MYO1H: variants seen among roughly 807,000 people sequenced by gnomAD.
MYO1H encodes unconventional myosin-Ih.
MYO1H carries 118 observed loss-of-function variants against 149.3 expected under a neutral mutation model. The ratio of observed to expected loss-of-function variants is 0.79; its 90% confidence interval spans 0.68 to 0.92. The LOEUF is 0.92. Among genes scored for constraint, MYO1H ranks in the 40% least tolerant of loss-of-function variants. The pLI is 0.00. For missense variants in MYO1H, 1,212 were observed against 1,280.7 expected, an observed-to-expected ratio of 0.95 and a Z score of 0.82; for synonymous variants, 447 against 465.2, an observed-to-expected ratio of 0.96 and a Z score of 0.50.
intron 23 of MYO1H, 68 bp from the exon 24 acceptor site, chr12:109,439,563 G>A (rs1207808262): frequency 6.7e-7 from 1 of 1,497,378 alleles, no homozygotes; most frequent in Non-Finnish European, 9.0e-7. Context: ...AATCAAAGAA[G>A]GGGGAAGAGA....
chr12:109,352,610 A>G (rs1429803993), intron 1 of MYO1H, among the ~76,000 whole-genome samples: 1 of 152,246 alleles, frequency 6.6e-6, no homozygotes, highest in African/African-American at 2.4e-5. Context: ...GACATGTATG[A>G]TGAAGTGTGT....
At chr12:109,359,140 G>A (rs1868681629) in intron 1 of MYO1H, 1 of 152,134 alleles carries the variant, frequency 6.6e-6, no homozygotes, top group Non-Finnish European at 1.5e-5. Flanking sequence ...CCTAACCGTG[G>A]TTCGGATTTC....
intron 21 of MYO1H, among the ~76,000 whole-genome samples, chr12:109,435,880 T>C (rs1425513374): frequency 1.3e-5 from 2 of 152,210 alleles, no homozygotes; most frequent in Non-Finnish European, 2.9e-5. Flanking sequence ...CACCAATGGC[T>C]GGGGATCTGG....
chr12:109,444,510 G>A, exon 30 of MYO1H: 1 of 1,613,812 alleles, frequency 6.2e-7, no homozygotes, highest in South Asian at 1.1e-5. Flanking sequence ...GGAGAACATT[G>A]TCAATGTTGT....
the MYO1H span, among the ~76,000 whole-genome samples, chr12:109,330,051 T>A: frequency 3.3e-5 from 5 of 152,110 alleles, no homozygotes; most frequent in Non-Finnish European, 7.4e-5. Context: ...AAACAAACAT[T>A]TGTGGCAAAA....
rs563259422 is a variant in MYO1H, at chr12:109,349,934, C to T, written c.12+1962C>T. On this transcript the variant is annotated intron_variant, in intron 1 of 31. Coordinates refer to ENST00000310903, the Ensembl canonical transcript of MYO1H. Reference sequence around the variant, plus strand: ...GGAGATCACGCCACTGCACTCCAGCCTGGGCGACAGAGCAAGACTCTGTCT... The same window carrying T: ...GGAGATCACGCCACTGCACTCCAGCTTGGGCGACAGAGCAAGACTCTGTCT... Among the ~76,000 whole-genome samples the T allele has an allele frequency of 7.6e-5, 11 of 144,724 alleles. No individual in the cohort carries two copies. In the South Asian group the frequency reaches 2.0e-3, roughly 26 times the overall value. 94.9% of individuals were successfully genotyped at this position (144,724 alleles called of 152,430 possible). A position where few individuals can be genotyped will look rare whatever the true frequency, so the allele number is the denominator to read the frequency against.
intron 20 of MYO1H, among the ~76,000 whole-genome samples, chr12:109,434,096 G>A (rs2038409535): frequency 6.6e-6 from 1 of 151,932 alleles, no homozygotes; most frequent in Non-Finnish European, 1.5e-5. Flanking sequence ...TGTAACCTCC[G>A]CTTCCTGGGT....
At chr12:109,419,126 C>G (rs921200470) in intron 15 of MYO1H, among the ~76,000 whole-genome samples, 2 of 152,128 alleles carry the variant, frequency 1.3e-5, no homozygotes. Flanking sequence ...CAATAATAAA[C>G]AGTTTCTTGT....
At chr12:109,352,390 C>T (rs1868479965) in intron 1 of MYO1H, among the ~76,000 whole-genome samples, 1 of 152,156 alleles carries the variant, frequency 6.6e-6, no homozygotes, top group African/African-American at 2.4e-5. Context: ...CTCCTTCCCC[C>T]AGGGTCTTTA....
At chr12:109,354,168 A>T (rs1868529506) in intron 1 of MYO1H, 1 of 152,246 alleles carries the variant, frequency 6.6e-6, no homozygotes, top group African/African-American at 2.4e-5. Context: ...GTGCAATAGC[A>T]AAATTCAGAA....
intron 15 of MYO1H, among the ~76,000 whole-genome samples, chr12:109,417,313 C>T (rs61934480): frequency 0.11 from 17,020 of 152,150 alleles, 1,409 homozygotes; most frequent in African/African-American, 0.23. Flanking sequence ...GCCACACTTG[C>T]GTTATATCAT....
In MYO1H at chr12:109,444,302, T is replaced by A. The variant is rs1327992253; in HGVS notation, c.2895+19T>A. Reference sequence around the variant, plus strand: ...GCAAAAGGTAATTGACAGCCACCAGTCTCTACTAAAAGACAGAAACAATAC... The same window carrying A: ...GCAAAAGGTAATTGACAGCCACCAGACTCTACTAAAAGACAGAAACAATAC... On this transcript the variant is annotated intron_variant, in intron 29 of 31. Transcript: ENST00000310903. The A allele has an allele frequency of 6.2e-7, 1 of 1,609,854 alleles. No homozygotes were observed. The highest frequency in any genetic ancestry group is 8.5e-7 in the Non-Finnish European group (1 of 1,176,322).
At chr12:109,422,005 G>T (rs1272497040) in intron 16 of MYO1H, among the ~76,000 whole-genome samples, 2 of 151,982 alleles carry the variant, frequency 1.3e-5, no homozygotes, top group African/African-American at 2.4e-5. Context: ...TTGTTTGTTA[G>T]AGACAGGATC....
chr12:109,375,867 T>C (rs7980223), intron 1 of MYO1H, among the ~76,000 whole-genome samples: 37,480 of 151,946 alleles, frequency 0.25, 5,498 homozygotes, highest in East Asian at 0.39. Flanking sequence ...TGGCCTCAAC[T>C]ACTTGGGAAG....
chr12:109,360,928 A>G (rs934784222), intron 1 of MYO1H, among the ~76,000 whole-genome samples: 2 of 152,196 alleles, frequency 1.3e-5, no homozygotes, highest in Non-Finnish European at 2.9e-5. Flanking sequence ...TTCCCAACCT[A>G]TGAACACAAC....
intron 1 of MYO1H, among the ~76,000 whole-genome samples, chr12:109,370,180 C>G (rs1868952405): frequency 6.6e-6 from 1 of 152,176 alleles, no homozygotes; most frequent in African/African-American, 2.4e-5. Context: ...ACCCAGATTC[C>G]CAGGCCCATT....
At chr12:109,421,117 T>TC in intron 16 of MYO1H, 90 bp downstream of exon 16, 1 of 899,338 alleles carries the variant, frequency 1.1e-6, no homozygotes, top group East Asian at 2.5e-5. Context: ...TTCTGGATTT[T>TC]TTTTTTTTCC....
intron 1 of MYO1H, among the ~76,000 whole-genome samples, chr12:109,362,610 G>C (rs1205313933): frequency 6.6e-6 from 1 of 152,194 alleles, no homozygotes; most frequent in Non-Finnish European, 1.5e-5. Flanking sequence ...AGTAGGATTG[G>C]ACAAAAGAGG....
At chr12:109,431,411 TAAGAA>T (rs1189366410) in intron 19 of MYO1H, among the ~76,000 whole-genome samples, 2 of 151,926 alleles carry the variant, frequency 1.3e-5, no homozygotes, top group African/African-American at 2.4e-5. Flanking sequence ...ATAAATATAA[TAAGAA>T]AGGAAGGAGC....
Sources: allele counts gnomAD v4.1 joint callset (sites outside exome capture counted in the v4.1 genomes callset), GRCh38; gene constraint gnomAD v4.1.1; transcripts MANE v1.5; gene names NCBI Gene and HGNC (gene_info 2026-07-23, HGNC 2026-07-21).